SMAD6: variants seen among roughly 807,000 people sequenced by gnomAD.
SMAD6 encodes the protein MAD homolog 6.
SMAD6 carries 103 observed loss-of-function variants against 39.4 expected under a neutral mutation model. The ratio of observed to expected loss-of-function variants is 2.62; its 90% CI spans 2.23 to 3.08. SMAD6 has a LOEUF of 3.08. Ranked by LOEUF, SMAD6 falls within the 30% of genes most tolerant of loss-of-function variation. SMAD6 has a pLI of 0.00. For synonymous variants in SMAD6, 445 were observed against 353.3 expected (o/e 1.26, Z -2.91); for missense variants, 1,104 against 742.9 (o/e 1.49, Z -5.65).
intron 3 of SMAD6, among the ~76,000 whole-genome samples, chr15:66,773,357 C>T (rs1894411292): frequency 6.6e-6 from 1 of 152,124 alleles, no homozygotes; most frequent in African/African-American, 2.4e-5. Flanking sequence ...GCTTTTACTG[C>T]CGGAGCCCGG....
chr15:66,707,920 G>GGGA (rs1276272975), intron 1 of SMAD6: 1 of 152,352 alleles, frequency 6.6e-6, no homozygotes, highest in African/African-American at 2.4e-5. Context: ...GCCAGGCACT[G>GGGA]GGAGAGGCTG....
intron 3 of SMAD6, among the ~76,000 whole-genome samples, chr15:66,765,998 G>T (rs1894281496): frequency 6.6e-6 from 1 of 152,236 alleles, no homozygotes; most frequent in African/African-American, 2.4e-5. Context: ...AGACGGAGCT[G>T]AGAGAGATAC....
chr15:66,761,906 A>G (rs1894206800), intron 3 of SMAD6, among the ~76,000 whole-genome samples: 1 of 152,178 alleles, frequency 6.6e-6, no homozygotes, highest in South Asian at 2.1e-4. Context: ...CATGACATTC[A>G]CATGGCCCAC....
intron 3 of SMAD6, among the ~76,000 whole-genome samples, chr15:66,765,013 G>T (rs1894264804): frequency 6.6e-6 from 1 of 152,100 alleles, no homozygotes. Context: ...TCCATGCAAA[G>T]GCCTCCTGAA....
In SMAD6 at chr15:66,781,893, G is replaced by A. The variant is rs1894585875; in HGVS notation, c.*358G>A. The A allele has an allele frequency of 2.5e-6, 1 of 398,830 alleles. No individual in the cohort carries two copies. The highest frequency in any genetic ancestry group is 4.4e-6 in the Non-Finnish European group (1 of 226,026). 24.7% of individuals were successfully genotyped at this position (398,830 alleles called of 1,614,324 possible). A position where few individuals can be genotyped will look rare whatever the true frequency, so the allele number is the denominator to read the frequency against. ...AAAGAAAATGATACAGCAGAGCTAG[G>A]TGGAAAAGCCTGGGTTTGGTGTATG... On this transcript the variant is annotated 3_prime_UTR_variant, in exon 4 of 4. Coordinates refer to ENST00000288840, the MANE Select transcript of SMAD6 (RefSeq NM_005585.5).
chr15:66,716,666 G>A (rs1893336802), intron 3 of SMAD6, among the ~76,000 whole-genome samples, 168 bp downstream of exon 3: 1 of 152,138 alleles, frequency 6.6e-6, no homozygotes, highest in Non-Finnish European at 1.5e-5. Flanking sequence ...TGGTGTTTTT[G>A]GGGTTAAGAA....
chr15:66,729,253 C>T (rs1054115059), intron 3 of SMAD6, among the ~76,000 whole-genome samples: 2 of 152,200 alleles, frequency 1.3e-5, no homozygotes, highest in African/African-American at 2.4e-5. Flanking sequence ...CCTGCATCCC[C>T]CGGCACCCCT....
At chr15:66,734,636 A>C (rs1372400404) in intron 3 of SMAD6, among the ~76,000 whole-genome samples, 3 of 152,194 alleles carry the variant, frequency 2.0e-5, no homozygotes, top group African/African-American at 7.2e-5. Context: ...TACTTACCAG[A>C]GTCACACAGA....
At chr15:66,704,473 G>C (rs1019975792) in intron 1 of SMAD6, 8 of 171,316 alleles carry the variant, frequency 4.7e-5, no homozygotes, top group Non-Finnish European at 9.9e-5. Context: ...TCTAGCATTT[G>C]TATGCACGTG....
chr15:66,720,563 C>T (rs1158631221), intron 3 of SMAD6, among the ~76,000 whole-genome samples: 1 of 152,186 alleles, frequency 6.6e-6, no homozygotes, highest in South Asian at 2.1e-4. Flanking sequence ...GGACCAGTAG[C>T]TCCCCTCTGC....
chr15:66,761,674 G>A (rs1894201963), intron 3 of SMAD6, among the ~76,000 whole-genome samples: 1 of 152,194 alleles, frequency 6.6e-6, no homozygotes, highest in Admixed American at 6.5e-5. Flanking sequence ...CCTTGGATGA[G>A]TGATCTCTGC....
At chr15:66,767,154 G>T (rs1355323113) in intron 3 of SMAD6, among the ~76,000 whole-genome samples, 2 of 152,188 alleles carry the variant, frequency 1.3e-5, no homozygotes, top group Non-Finnish European at 2.9e-5. Flanking sequence ...TGGGCCATGG[G>T]GTAGTCACCA....
intron 3 of SMAD6, 138 bp downstream of exon 3, chr15:66,716,636 GT>G: frequency 1.4e-6 from 1 of 711,118 alleles, no homozygotes. Flanking sequence ...GGATGGGAAG[GT>G]TGCCAATGTT....
intron 3 of SMAD6, among the ~76,000 whole-genome samples, chr15:66,770,108 G>T (rs910094433): frequency 6.6e-6 from 1 of 152,198 alleles, no homozygotes; most frequent in Non-Finnish European, 1.5e-5. Context: ...GATTGCAGCC[G>T]TGAGCCACTG....
chr15:66,737,217 T>C (rs1451356677), intron 3 of SMAD6, among the ~76,000 whole-genome samples: 3 of 152,202 alleles, frequency 2.0e-5, no homozygotes, highest in Non-Finnish European at 2.9e-5. Context: ...GCCTGCATGC[T>C]AGGCTTCTTC....
In SMAD6 at chr15:66,704,089, G is replaced by C; in HGVS notation, c.817+14G>C. On this transcript the variant is annotated intron_variant, in intron 1 of 3. Coordinates refer to ENST00000288840, the MANE Select transcript of SMAD6 (RefSeq NM_005585.5). Reference sequence around the variant, plus strand: ...TCTGCGGGCCCGGTGAGCGCGCTGCGCCGGCCGGGGGGGCCCCGGGTCCCC... The same window carrying C: ...TCTGCGGGCCCGGTGAGCGCGCTGCCCCGGCCGGGGGGGCCCCGGGTCCCC... 1 of 1,449,742 alleles carries C rather than the reference G, an allele frequency of 6.9e-7. No homozygotes were observed. The highest frequency in any genetic ancestry group is 9.0e-7 in the Non-Finnish European group (1 of 1,107,606). The allele number at this position is 1,449,742 out of a possible 1,614,324, so 89.8% of individuals were successfully genotyped here.
rs1186735003 is a variant in SMAD6 at position 66,781,549 on chromosome 15, G to A, written c.*14G>A. On this transcript the variant is annotated 3_prime_UTR_variant, in exon 4 of 4. Coordinates refer to ENST00000288840, the MANE Select transcript of SMAD6 (RefSeq NM_005585.5). The stretch of plus-strand genomic sequence containing the variant: ...AACCCCAGATAGTGGCGGCCCCGGC[G>A]GGAGGGGCGGGTGGGAGGCCGCGGC... 4.0e-6 allele frequency: 6 copies of A among 1,488,246 alleles called. No individual in the cohort carries two copies. The highest frequency in any genetic ancestry group is 4.4e-6 in the Non-Finnish European group (5 of 1,126,018). 92.2% of individuals were successfully genotyped at this position (1,488,246 alleles called of 1,614,324 possible). A position where few individuals can be genotyped will look rare whatever the true frequency, so the allele number is the denominator to read the frequency against.
At chr15:66,745,318 TC>T (rs1261305978) in intron 3 of SMAD6, among the ~76,000 whole-genome samples, 1 of 151,666 alleles carries the variant, frequency 6.6e-6, no homozygotes, top group Admixed American at 6.6e-5. Flanking sequence ...CTACCCCAGG[TC>T]CCTCTTTCAC....
At chr15:66,760,101 A>ACCCCCCCCC (rs1894172873) in intron 3 of SMAD6, among the ~76,000 whole-genome samples, 1 of 64,832 alleles carries the variant, frequency 1.5e-5, no homozygotes. Flanking sequence ...CATCCCTCCC[A>ACCCCCCCCC]CCCTCCCCGC....
Sources: allele counts gnomAD v4.1 joint callset (sites outside exome capture counted in the v4.1 genomes callset), GRCh38; gene constraint gnomAD v4.1.1; transcripts MANE v1.5; gene names NCBI Gene and HGNC (gene_info 2026-07-23, HGNC 2026-07-21).